Variants in PLEKHA6 observed in about 807,000 individuals in gnomAD.
The protein encoded by PLEKHA6 is pleckstrin homology domain-containing family A member 6.
PLEKHA6 carries 60 observed loss-of-function variants against 116.7 expected under a neutral mutation model. The observed-to-expected ratio is 0.51, with a 90% CI of 0.42 to 0.64. The LOEUF is 0.64. PLEKHA6 is among the 30% of genes least tolerant of loss of function. The probability of loss-of-function intolerance (pLI) is 0.00; values close to 1 mark genes in which losing one functional copy is unlikely to be tolerated. For missense variants in PLEKHA6, 1,338 were observed against 1,422.7 expected, an observed-to-expected ratio of 0.94 and a Z score of 0.96; for synonymous variants, 489 against 556.1, an observed-to-expected ratio of 0.88 and a Z score of 1.70.
chr1:204,346,474 A>G (rs1032960327), intron 1 of PLEKHA6, among the ~76,000 whole-genome samples: 2 of 152,186 alleles, frequency 1.3e-5, no homozygotes, highest in South Asian at 2.1e-4. Flanking sequence ...AGGGGAAGCC[A>G]TGACAAAGTG....
Position 204,223,350 on chromosome 1 carries a change from A to C in PLEKHA6, c.*8+112T>G, listed in dbSNP as rs1247724367. ...ATAGTGGGGAGGAGCAGCACAGGGCACTGGGGTAGGGGAGAAGCAATACCA... is the reference window on the plus strand; with the variant it reads ...ATAGTGGGGAGGAGCAGCACAGGGCCCTGGGGTAGGGGAGAAGCAATACCA... On this transcript the variant is annotated intron_variant, in intron 22 of 22. Coordinates refer to ENST00000272203, the MANE Select transcript of PLEKHA6 (RefSeq NM_014935.5). The surrounding 1 kb of genome is among the most constrained non-coding windows in gnomAD (Gnocchi z 4.8). The C allele has an allele frequency of 2.9e-6, 2 of 701,678 alleles. No homozygotes were observed. The highest frequency in any genetic ancestry group is 5.3e-6 in the Non-Finnish European group (2 of 378,004). The allele number at this position is 701,678 out of a possible 1,614,324, so 43.5% of individuals were successfully genotyped here.
chr1:204,342,390 G>C (rs546251634), intron 1 of PLEKHA6, among the ~76,000 whole-genome samples: 1 of 152,286 alleles, frequency 6.6e-6, no homozygotes, highest in African/African-American at 2.4e-5. Context: ...TGATCAAATA[G>C]TACAGAAATA....
At position 204,218,935 on chromosome 1, in the gene PLEKHA6, T is replaced by C. The variant is rs1419792399; in HGVS notation, c.*3853A>G. 4 of 152,602 alleles carry C rather than the reference T, an allele frequency of 2.6e-5. No individual in the cohort carries two copies. The highest frequency in any genetic ancestry group is 5.9e-5 in the Non-Finnish European group (4 of 68,044). The allele number at this position is 152,602 out of a possible 1,614,324, so 9.5% of individuals were successfully genotyped here. A position where few individuals can be genotyped will look rare whatever the true frequency, so the allele number is the denominator to read the frequency against. ...TGCAGAACTCACTGGGATTCTTCAGTACCTAAATCTAAAAAGAATGCTGCT... is the reference window on the plus strand; with the variant it reads ...TGCAGAACTCACTGGGATTCTTCAGCACCTAAATCTAAAAAGAATGCTGCT... On this transcript the variant is annotated 3_prime_UTR_variant, in exon 23 of 23. Transcript: ENST00000272203.
rs778092601 is a variant in PLEKHA6 at position 204,259,246 on chromosome 1, G to A, written c.1007+12C>T. ...CCATATCAGCCCCACCCCAGCCGCC[G>A]GCATGCCTCACCTCCGAAGGTCTTC... On this transcript the variant is annotated intron_variant, in intron 8 of 22. Coordinates refer to ENST00000272203, the MANE Select transcript of PLEKHA6 (RefSeq NM_014935.5). This position sits in a 1 kb window ranked among gnomAD's most constrained non-coding sequence, Gnocchi z 4.6. 20 of 1,611,282 alleles carry A rather than the reference G, an allele frequency of 1.2e-5. No individual in the cohort carries two copies. The highest frequency in any genetic ancestry group is 3.3e-5 in the Admixed American group (2 of 59,962).
intron 1 of PLEKHA6, among the ~76,000 whole-genome samples, chr1:204,317,454 T>G (rs2103206745): frequency 1.3e-5 from 2 of 152,240 alleles, no homozygotes; most frequent in Middle Eastern, 6.8e-3. Context: ...GCTCTGAGGG[T>G]CTGGGCCTAT....
intron 1 of PLEKHA6, chr1:204,308,968 C>T (rs1284298102): frequency 8.7e-6 from 4 of 458,484 alleles, no homozygotes; most frequent in Non-Finnish European, 8.6e-6. Flanking sequence ...GGATTACAGG[C>T]GTGAGCCACC....
intron 1 of PLEKHA6, among the ~76,000 whole-genome samples, chr1:204,305,690 C>T (rs1323556090): frequency 6.6e-6 from 1 of 152,198 alleles, no homozygotes; most frequent in African/African-American, 2.4e-5. Flanking sequence ...TTATGCACAG[C>T]AGCATCTACC....
intron 1 of PLEKHA6, among the ~76,000 whole-genome samples, chr1:204,329,662 T>A (rs760919735): frequency 6.6e-6 from 1 of 152,066 alleles, no homozygotes; most frequent in Non-Finnish European, 1.5e-5. Context: ...AAGCCCTAAA[T>A]CTAACTACAT....
At chr1:204,267,753 C>T (rs1666990441) in intron 4 of PLEKHA6, among the ~76,000 whole-genome samples, 1 of 152,160 alleles carries the variant, frequency 6.6e-6, no homozygotes, top group Admixed American at 6.5e-5. Flanking sequence ...CCAGTTCTGT[C>T]ATTCAGTGCC....
At chr1:204,313,081 TTCCCTCCC>T (rs1319538732) in intron 1 of PLEKHA6, among the ~76,000 whole-genome samples, 21 of 105,176 alleles carry the variant, frequency 2.0e-4, no homozygotes, top group Admixed American at 7.0e-4. Context: ...CCTTCCTCCC[TTCCCTCCC>T]TCCCTCCTTC....
At chr1:204,304,374 A>G (rs1238459161) in intron 1 of PLEKHA6, among the ~76,000 whole-genome samples, 1 of 152,250 alleles carries the variant, frequency 6.6e-6, no homozygotes, top group Non-Finnish European at 1.5e-5. Context: ...TTATCAGTTT[A>G]TCACATTCTA....
chr1:204,334,399 T>C (rs1045801579), intron 1 of PLEKHA6, among the ~76,000 whole-genome samples: 8 of 152,190 alleles, frequency 5.3e-5, no homozygotes, highest in African/African-American at 1.9e-4. Context: ...TTTGTGCTCC[T>C]CATAAGATCA....
chr1:204,221,786 AC>A lies in PLEKHA6; in HGVS notation c.*1001del. ...CCATCTCCCAGGCAGTCGCTACTCA[AC>A]CCCCTTCACCCAGATCCCCACACCA... On this transcript the variant is annotated 3_prime_UTR_variant, in exon 23 of 23. Coordinates refer to ENST00000272203, the MANE Select transcript of PLEKHA6 (RefSeq NM_014935.5). The A allele has an allele frequency of 6.6e-6, 1 of 152,658 alleles. No individual in the cohort carries two copies. The highest frequency in any genetic ancestry group is 1.5e-5 in the Non-Finnish European group (1 of 68,520). The allele number at this position is 152,658 out of a possible 1,614,324, so 9.5% of individuals were successfully genotyped here. A position where few individuals can be genotyped will look rare whatever the true frequency, so the allele number is the denominator to read the frequency against.
intron 21 of PLEKHA6, among the ~76,000 whole-genome samples, chr1:204,226,357 G>A (rs1660367889): frequency 6.6e-6 from 1 of 152,228 alleles, no homozygotes; most frequent in South Asian, 2.1e-4. Context: ...TAGGCCGGGT[G>A]GGTTTTGTTT....
intron 6 of PLEKHA6, among the ~76,000 whole-genome samples, chr1:204,262,329 A>T (rs1225743322): frequency 6.6e-6 from 1 of 152,168 alleles, no homozygotes; most frequent in Non-Finnish European, 1.5e-5. Flanking sequence ...AACTGCAGAC[A>T]AGTTGTGGTT....
chr1:204,284,617 T>C (rs1220274259), intron 1 of PLEKHA6, among the ~76,000 whole-genome samples: 1 of 151,564 alleles, frequency 6.6e-6, no homozygotes, highest in Non-Finnish European at 1.5e-5. Context: ...ACTGAGACGA[T>C]CCTTTGTGAG....
intron 1 of PLEKHA6, among the ~76,000 whole-genome samples, chr1:204,340,393 G>A (rs1672803457): frequency 6.6e-6 from 1 of 152,160 alleles, no homozygotes; most frequent in Admixed American, 6.5e-5. Context: ...ATGTTCACCC[G>A]CATTAGAGTC....
chr1:204,265,204 C>T lies in PLEKHA6; in HGVS notation c.281-162G>A, dbSNP rs549126528. On this transcript the variant is annotated intron_variant, in intron 5 of 22. Transcript: ENST00000272203. ...GCACTCAGGGCCACCACACATGCTC[C>T]GAGAGGACACTCCCTGGAGTTAGGG... Among the ~76,000 whole-genome samples the T allele has an allele frequency of 7.2e-5, 11 of 152,230 alleles. No homozygotes were observed. In the South Asian group the frequency reaches 8.3e-4, roughly 11 times the overall value.
At chr1:204,343,097 G>C (rs1435715472) in intron 1 of PLEKHA6, among the ~76,000 whole-genome samples, 1 of 152,176 alleles carries the variant, frequency 6.6e-6, no homozygotes, top group East Asian at 1.9e-4. Flanking sequence ...ATCTAAGCCT[G>C]ACAGCTGTCC....
Sources: gnomAD v4.1 joint callset for allele counts (sites outside exome capture counted in the v4.1 genomes callset) on GRCh38, gnomAD v4.1.1 for gene constraint, Gnocchi (gnomAD v3.1) non-coding constraint, MANE v1.5 for transcripts, NCBI Gene and HGNC (gene_info 2026-07-23, HGNC 2026-07-21) for gene names.